The following TANC1 variants were observed in gnomAD, a reference collection of about 807,000 sequenced individuals.
TANC1 encodes the protein tetratricopeptide repeat, ankyrin repeat and coiled-coil containing 1.
A neutral mutation model predicts 149.7 loss-of-function variants in TANC1; 77 were observed. The ratio of observed to expected loss-of-function variants is 0.51; its 90% CI spans 0.43 to 0.62. The LOEUF (loss-of-function observed/expected upper bound fraction) is 0.62. Among genes scored for constraint, TANC1 ranks in the 20% least tolerant of loss-of-function variants. The pLI is 0.00. For missense variants in TANC1, 1,985 were observed against 2,321.8 expected (o/e 0.85, Z 2.98); for synonymous variants, 854 against 925.0 (o/e 0.92, Z 1.39).
intron 3 of TANC1, among the ~76,000 whole-genome samples, chr2:159,088,796 G>T (rs758818967): frequency 6.6e-6 from 1 of 150,750 alleles, no homozygotes; most frequent in African/African-American, 2.4e-5. Context: ...AGACACCCCC[G>T]GTATGGATTG....
At chr2:159,188,151 CTTCTGT>C (rs55914111) in intron 16 of TANC1, among the ~76,000 whole-genome samples, 35,181 of 151,910 alleles carry the variant, frequency 0.23, 5,211 homozygotes, top group Non-Finnish European at 0.35. Context: ...TTTCATTATC[CTTCTGT>C]TTCTTTTATC....
intron 8 of TANC1, among the ~76,000 whole-genome samples, chr2:159,167,749 G>T (rs957059488): frequency 1.7e-4 from 26 of 152,150 alleles, no homozygotes; most frequent in African/African-American, 6.3e-4. Context: ...ACACAGTCAG[G>T]CCTGGAGCCA....
At position 159,196,668 on chromosome 2, in the gene TANC1, G is replaced by A. The variant is rs759330515; in HGVS notation, c.3040G>A (p.Gly1014Ser). The change falls in exon 18 of 27, where the codon GGT (glycine) becomes AGT (serine). Residue 1014 changes from glycine (G) to serine (S), a missense_variant. Physicochemically the swap from Gly to Ser is moderately conservative, Grantham distance 56. This residue lies in a region of TANC1 where 508 missense variants were observed against 714.2 expected (regional missense o/e 0.71). Transcript: ENST00000263635. Reference sequence around the variant, plus strand: ...TGTCCACAGTGCCCTACGGGGCCACGGTGACATTCTCCAGTACCTGCTGAC... The same window carrying A: ...TGTCCACAGTGCCCTACGGGGCCACAGTGACATTCTCCAGTACCTGCTGAC... ...ALVHSALRGH[G>S]DILQYLLTCE... 57 of 1,613,922 alleles carry A rather than the reference G, an allele frequency of 3.5e-5. No homozygotes were observed. The highest frequency in any genetic ancestry group is 4.2e-5 in the Non-Finnish European group (49 of 1,179,954).
At chr2:159,073,241 T>C (rs1460205384) in intron 3 of TANC1, among the ~76,000 whole-genome samples, 1 of 152,170 alleles carries the variant, frequency 6.6e-6, no homozygotes, top group Non-Finnish European at 1.5e-5. Flanking sequence ...CCATGTGTTT[T>C]AGGGAAATAT....
chr2:159,101,666 A>T (rs264638), intron 4 of TANC1, among the ~76,000 whole-genome samples: 18,490 of 152,178 alleles, frequency 0.12, 1,934 homozygotes, highest in East Asian at 0.59. Flanking sequence ...TTGGATTAAG[A>T]ATTCATCAAT....
At chr2:159,196,186 C>G (rs780654179) in intron 17 of TANC1, among the ~76,000 whole-genome samples, 1 of 152,188 alleles carries the variant, frequency 6.6e-6, no homozygotes, top group Non-Finnish European at 1.5e-5. Flanking sequence ...TCCCCTGGCT[C>G]AGTGACCAGA....
At chr2:159,037,640 G>A (rs2040300566) in intron 2 of TANC1, among the ~76,000 whole-genome samples, 1 of 152,170 alleles carries the variant, frequency 6.6e-6, no homozygotes, top group Non-Finnish European at 1.5e-5. Flanking sequence ...GTTTTTGTCA[G>A]GTTTGTCAAA....
At chr2:159,150,127 G>A in intron 6 of TANC1, 1 of 396,694 alleles carries the variant, frequency 2.5e-6, no homozygotes, top group Non-Finnish European at 4.5e-6. Context: ...TAATAAAAAG[G>A]AAAATCACAA....
chr2:158,985,506 G>GC (rs931191865), intron 1 of TANC1, among the ~76,000 whole-genome samples: 1 of 152,206 alleles, frequency 6.6e-6, no homozygotes, highest in African/African-American at 2.4e-5. Context: ...GGCAGCTTGA[G>GC]CAGGAGCACA....
At chr2:159,226,603 A>G (rs1341346681) in intron 24 of TANC1, 1 of 152,248 alleles carries the variant, frequency 6.6e-6, no homozygotes. Flanking sequence ...TCAGTTACTC[A>G]GAAGACTGAA....
chr2:159,134,266 C>G (rs573054775), intron 4 of TANC1, among the ~76,000 whole-genome samples: 32 of 152,234 alleles, frequency 2.1e-4, no homozygotes, highest in Admixed American at 1.7e-3. Context: ...ACACTAGAAT[C>G]AAGGAAGTGA....
intron 16 of TANC1, among the ~76,000 whole-genome samples, chr2:159,193,622 T>G (rs2057630909): frequency 6.6e-6 from 1 of 152,062 alleles, no homozygotes; most frequent in Non-Finnish European, 1.5e-5. Context: ...CCTCCCGGGT[T>G]CAAGCGATTC....
chr2:159,182,707 A>G (rs2056612001), intron 14 of TANC1, among the ~76,000 whole-genome samples: 2 of 152,156 alleles, frequency 1.3e-5, no homozygotes, highest in African/African-American at 4.8e-5. Flanking sequence ...TTCAGATTCT[A>G]TATTTTTAAA....
chr2:159,075,296 A>G (rs11680882), intron 3 of TANC1, among the ~76,000 whole-genome samples: 32,137 of 151,888 alleles, frequency 0.21, 3,634 homozygotes, highest in South Asian at 0.37. Context: ...CGCTGGGCCC[A>G]GTGGTTCATG....
intron 19 of TANC1, among the ~76,000 whole-genome samples, chr2:159,215,545 G>T (rs1322009940): frequency 6.6e-6 from 1 of 152,184 alleles, no homozygotes; most frequent in Non-Finnish European, 1.5e-5. Context: ...CTGCTCTGAG[G>T]GGTGTCAAAG....
intron 4 of TANC1, among the ~76,000 whole-genome samples, chr2:159,120,767 T>A (rs1477346515): frequency 1.3e-5 from 2 of 152,000 alleles, no homozygotes; most frequent in African/African-American, 2.4e-5. Context: ...CCACAACTAA[T>A]TTTTGTATTT....
Position 159,001,059 on chromosome 2 carries a change from C to T in TANC1, c.-125-21C>T, listed in dbSNP as rs899584112. 3.9e-5 allele frequency: 6 copies of T among 152,360 alleles called. No individual in the cohort carries two copies. Among genetic ancestry groups the T allele is most frequent in the South Asian group, 2.1e-4 (1 of 4,814 alleles). The allele number at this position is 152,360 out of a possible 1,614,324, so 9.4% of individuals were successfully genotyped here. ...GCGGAGCTTCTAACCCAGGTTGTCT[C>T]CTCTGCTCTTGTTCCTTTAGGAGCT... On this transcript the variant is annotated intron_variant, in intron 1 of 26. Coordinates refer to ENST00000263635, the MANE Select transcript of TANC1 (RefSeq NM_033394.3). The surrounding 1 kb of genome is among the most constrained non-coding windows in gnomAD (Gnocchi z 4.3).
intron 4 of TANC1, among the ~76,000 whole-genome samples, chr2:159,104,921 T>C (rs1455244302): frequency 8.1e-6 from 1 of 123,166 alleles, no homozygotes; most frequent in Non-Finnish European, 1.9e-5. Flanking sequence ...TGATATTTGT[T>C]GTCCATTGTT....
intron 2 of TANC1, among the ~76,000 whole-genome samples, chr2:159,007,111 G>C (rs1450254352): frequency 2.7e-5 from 4 of 150,730 alleles, no homozygotes; most frequent in Admixed American, 2.0e-4. Context: ...GCCCTATACA[G>C]GTGTACTGTT....
Sources: gnomAD v4.1 joint callset for allele counts (sites outside exome capture counted in the v4.1 genomes callset) on GRCh38, gnomAD v4.1.1 for gene constraint, gnomAD v4.1.1 regional missense constraint, Gnocchi (gnomAD v3.1) non-coding constraint, MANE v1.5 for transcripts, NCBI Gene and HGNC (gene_info 2026-07-23, HGNC 2026-07-21) for gene names.